HDAC9: variants seen among roughly 807,000 people sequenced by gnomAD.
HDAC9 encodes the protein MEF-2 interacting transcription repressor (MITR) protein.
HDAC9 carries 41 observed loss-of-function variants against 139.4 expected under a neutral mutation model. That is an observed-to-expected ratio of 0.29 (90% CI 0.23 to 0.38). The LOEUF (loss-of-function observed/expected upper bound fraction) is 0.38. HDAC9 is among the 10% of genes least tolerant of loss of function. The probability of loss-of-function intolerance (pLI) is 1.00; values close to 1 mark genes in which losing one functional copy is unlikely to be tolerated. For synonymous variants in HDAC9, 517 were observed against 476.2 expected (o/e 1.09, Z -1.12); for missense variants, 1,147 against 1,297.0 (o/e 0.88, Z 1.78).
intron 2 of HDAC9, among the ~76,000 whole-genome samples, chr7:18,181,753 G>A (rs16871944): frequency 0.19 from 29,277 of 151,882 alleles, 3,027 homozygotes; most frequent in South Asian, 0.33. Context: ...GAGCCCAGGG[G>A]TCCTTTAAAA....
intron 2 of HDAC9, among the ~76,000 whole-genome samples, chr7:18,511,501 G>A (rs1290681506): frequency 1.3e-5 from 2 of 152,122 alleles, no homozygotes; most frequent in Non-Finnish European, 2.9e-5. Flanking sequence ...GGAGGCTGCG[G>A]TGGGAGGATT....
At chr7:18,459,781 G>A (rs1258315053) in intron 1 of HDAC9, among the ~76,000 whole-genome samples, 1 of 151,974 alleles carries the variant, frequency 6.6e-6, no homozygotes, top group African/African-American at 2.4e-5. Flanking sequence ...ATTCCCTTTT[G>A]GTTTTCTTAC....
chr7:18,745,075 A>C (rs931303902), intron 13 of HDAC9, among the ~76,000 whole-genome samples: 1 of 152,206 alleles, frequency 6.6e-6, no homozygotes, highest in African/African-American at 2.4e-5. Flanking sequence ...AGGGTCAAAC[A>C]AAAGTAGAAT....
intron 1 of HDAC9, among the ~76,000 whole-genome samples, chr7:18,109,675 G>A (rs1343572481): frequency 1.3e-5 from 2 of 151,176 alleles, no homozygotes; most frequent in African/African-American, 4.9e-5. Flanking sequence ...TCCCCTTAAT[G>A]TAATACTTAT....
intron 22 of HDAC9, among the ~76,000 whole-genome samples, chr7:18,935,344 A>G (rs1192847925): frequency 6.6e-6 from 1 of 152,208 alleles, no homozygotes; most frequent in Non-Finnish European, 1.5e-5. Context: ...ACATTACATT[A>G]GATAATGTAA....
intron 1 of HDAC9, among the ~76,000 whole-genome samples, chr7:18,132,667 A>G (rs1470739419): frequency 6.6e-6 from 1 of 152,180 alleles, no homozygotes; most frequent in African/African-American, 2.4e-5. Flanking sequence ...AAAAGACAGC[A>G]TGTTCCTTCA....
At chr7:18,735,542 T>C (rs551767194) in intron 13 of HDAC9, among the ~76,000 whole-genome samples, 1 of 152,292 alleles carries the variant, frequency 6.6e-6, no homozygotes, top group African/African-American at 2.4e-5. Context: ...ATCAGATGTT[T>C]GTAGATGTGT....
At chr7:18,817,837 C>G (rs1794685779) in intron 17 of HDAC9, among the ~76,000 whole-genome samples, 1 of 152,034 alleles carries the variant, frequency 6.6e-6, no homozygotes, top group African/African-American at 2.4e-5. Context: ...CCCAAATTGC[C>G]TATGCACAAA....
chr7:18,955,616 G>A (rs1783094907), intron 24 of HDAC9, among the ~76,000 whole-genome samples: 1 of 152,110 alleles, frequency 6.6e-6, no homozygotes, highest in African/African-American at 2.4e-5. Context: ...CAGAGGTTAT[G>A]AAGAGGAATA....
chr7:18,359,671 C>T (rs180819825), intron 1 of HDAC9, among the ~76,000 whole-genome samples: 48 of 152,216 alleles, frequency 3.2e-4, no homozygotes, highest in Admixed American at 2.7e-3. Context: ...TGCAGTGGCA[C>T]ACTCTCAGCT....
Position 18,832,738 on chromosome 7 carries a change from TA to T in HDAC9, c.2467-2728del, listed in dbSNP as rs200955380. Reference sequence around the variant, plus strand: ...AACAAACAAAAAAATGATATATATATATTTTTTTTTTCTTGAGACGGAGTTT... The same window carrying T: ...AACAAACAAAAAAATGATATATATATTTTTTTTTTTCTTGAGACGGAGTTT... On this transcript the variant is annotated intron_variant, in intron 19 of 25. Coordinates refer to ENST00000686413, the MANE Select transcript of HDAC9 (RefSeq NM_178425.4). 6.6e-3 allele frequency among the ~76,000 whole-genome samples: 996 copies of T among 151,198 alleles called. 14 individuals are homozygous for T. The highest frequency in any genetic ancestry group is 0.023 in the African/African-American group (948 of 40,816).
At chr7:18,965,030 C>T (rs2129330974) in intron 24 of HDAC9, among the ~76,000 whole-genome samples, 1 of 152,290 alleles carries the variant, frequency 6.6e-6, no homozygotes, top group East Asian at 1.9e-4. Context: ...AAAAGCTATA[C>T]TTCTTTGGTG....
chr7:18,547,027 TTACTC>T (rs1815084800), intron 2 of HDAC9, among the ~76,000 whole-genome samples: 1 of 152,064 alleles, frequency 6.6e-6, no homozygotes, highest in South Asian at 2.1e-4. Context: ...AAAGTTATGT[TTACTC>T]TACAGTGTAG....
chr7:18,631,264 G>A (rs1249358224), intron 7 of HDAC9, among the ~76,000 whole-genome samples: 3 of 151,994 alleles, frequency 2.0e-5, no homozygotes, highest in Non-Finnish European at 4.4e-5. Context: ...TTCACCTCAG[G>A]AAACAATATG....
chr7:18,412,475 G>A (rs895781654), intron 1 of HDAC9, among the ~76,000 whole-genome samples: 8 of 152,098 alleles, frequency 5.3e-5, no homozygotes, highest in South Asian at 2.1e-4. Context: ...ACCTTTGTTC[G>A]TCAGCTTTGT....
At chr7:18,759,439 G>T (rs547762898) in intron 14 of HDAC9, among the ~76,000 whole-genome samples, 1 of 152,008 alleles carries the variant, frequency 6.6e-6, no homozygotes, top group African/African-American at 2.4e-5. Flanking sequence ...TAGGTTGAGC[G>T]CTCCTTATGA....
intron 1 of HDAC9, among the ~76,000 whole-genome samples, chr7:18,291,178 A>G (rs1279555631): frequency 6.6e-6 from 1 of 152,174 alleles, no homozygotes; most frequent in Non-Finnish European, 1.5e-5. Context: ...CTAAAGGCTC[A>G]TACCAGCTCA....
chr7:18,348,937 T>C (rs990648466), intron 1 of HDAC9, among the ~76,000 whole-genome samples: 5 of 152,126 alleles, frequency 3.3e-5, no homozygotes, highest in African/African-American at 9.7e-5. Context: ...AACTCAGTAA[T>C]TGAGACAGCA....
intron 2 of HDAC9, among the ~76,000 whole-genome samples, chr7:18,545,671 AG>A: frequency 6.6e-6 from 1 of 152,278 alleles, no homozygotes. Flanking sequence ...TACAAGTGTG[AG>A]GTGCGAGAAT....
Sources: allele counts gnomAD v4.1 joint callset (sites outside exome capture counted in the v4.1 genomes callset), GRCh38; gene constraint gnomAD v4.1.1; transcripts MANE v1.5; gene names NCBI Gene and HGNC (gene_info 2026-07-23, HGNC 2026-07-21).